The following ARHGAP44 variants were observed in gnomAD, a reference collection of about 807,000 sequenced individuals.
ARHGAP44 encodes rho GTPase-activating protein 44.
Under a neutral mutation model 106.8 loss-of-function variants are expected in ARHGAP44, and 43 were observed. The observed-to-expected ratio is 0.40, with a 90% CI of 0.32 to 0.52. The LOEUF is 0.52. ARHGAP44 is among the 20% of genes least tolerant of loss of function. The pLI is 0.48. For synonymous variants in ARHGAP44, 439 were observed against 410.3 expected (o/e 1.07, Z -0.85); for missense variants, 866 against 1,050.5 (o/e 0.82, Z 2.43).
At position 12,943,628 on chromosome 17, in the gene ARHGAP44, C is replaced by G. The variant is rs752709001; in HGVS notation, c.692C>G (p.Thr231Arg). 2.6e-5 allele frequency: 42 copies of G among 1,613,942 alleles called. No homozygotes were observed. In the South Asian group the frequency reaches 4.5e-4, roughly 17 times the overall value. The stretch of plus-strand genomic sequence containing the variant: ...GCTGAATACCACAGGAAGTCCCTGA[C>G]ACTATTGCAGGCTGTATTGCCTCAG... ...VQAEYHRKSLTLLQAVLPQIK... is the reference protein window; with the variant it reads ...VQAEYHRKSLRLLQAVLPQIK... Residue 231 changes from threonine to arginine, a missense_variant, in exon 9 of 21, where the codon ACA becomes AGA. Physicochemically the swap from Thr to Arg is moderately conservative, Grantham distance 71 (BLOSUM62 -1). Coordinates refer to ENST00000379672, the MANE Select transcript of ARHGAP44 (RefSeq NM_014859.6).
At chr17:12,874,198 T>C (rs1330425026) in intron 1 of ARHGAP44, among the ~76,000 whole-genome samples, 1 of 152,212 alleles carries the variant, frequency 6.6e-6, no homozygotes, top group East Asian at 1.9e-4. Flanking sequence ...CGGTTGAGTC[T>C]TAATCATTTT....
chr17:12,940,536 A>G (rs151162710), intron 7 of ARHGAP44, among the ~76,000 whole-genome samples: 12 of 152,296 alleles, frequency 7.9e-5, no homozygotes, highest in African/African-American at 1.2e-4. Flanking sequence ...TGAGTCAGCA[A>G]TCCTTTCCCT....
rs1481296164 is a variant in ARHGAP44 at position 12,914,487 on chromosome 17, A to AC, written c.276-1412dup. 5.3e-5 allele frequency among the ~76,000 whole-genome samples: 8 copies of AC among 152,230 alleles called. No individual in the cohort carries two copies. In the East Asian group the frequency reaches 1.5e-3, roughly 29 times the overall value. On this transcript the variant is annotated intron_variant, in intron 4 of 20. Transcript: ENST00000379672. ...AAATGATCTGATTCCGCATGTACCA[A>AC]CATGGGTAAGCTCCAGACATAATGA... is the stretch of plus-strand genomic sequence containing the variant.
At chr17:12,872,243 C>T (rs889843071) in intron 1 of ARHGAP44, among the ~76,000 whole-genome samples, 6 of 152,106 alleles carry the variant, frequency 3.9e-5, no homozygotes, top group Non-Finnish European at 7.4e-5. Flanking sequence ...GCCTTCATAC[C>T]TTCCAATTTA....
At position 12,847,512 on chromosome 17, in the gene ARHGAP44, C is replaced by CTTTT. The variant is rs58514182; in HGVS notation, c.54-47412_54-47409dup. ...CACCTTCCTTCAAGCTACCATCACT[C>CTTTT]TTTTTTTTTTTTTTTTTTTGAGACG... On this transcript the variant is annotated intron_variant, in intron 1 of 20. Transcript: ENST00000379672. Among the ~76,000 whole-genome samples, 304 of 125,450 alleles carry CTTTT rather than the reference C, an allele frequency of 2.4e-3. 16 individuals are homozygous for CTTTT. Among genetic ancestry groups the CTTTT allele is most frequent in the African/African-American group, 6.5e-3 (201 of 30,886 alleles). The allele number at this position is 125,450 out of a possible 152,430, so 82.3% of individuals were successfully genotyped here.
At chr17:12,976,946 T>C (rs1160752377) in intron 18 of ARHGAP44, among the ~76,000 whole-genome samples, 3 of 152,166 alleles carry the variant, frequency 2.0e-5, no homozygotes, top group Non-Finnish European at 2.9e-5. Context: ...AGCTTCATCC[T>C]AGTTTCCCAT....
chr17:12,830,087 C>T (rs973140659), intron 1 of ARHGAP44, among the ~76,000 whole-genome samples: 2 of 152,158 alleles, frequency 1.3e-5, no homozygotes, highest in South Asian at 4.1e-4. Context: ...CAAAGGAGAA[C>T]TGGTTATTTA....
intron 6 of ARHGAP44, among the ~76,000 whole-genome samples, chr17:12,926,492 AATATATGTATATATATT>A (rs2038248081): frequency 7.0e-6 from 1 of 143,642 alleles, no homozygotes; most frequent in Admixed American, 7.2e-5. Context: ...ATGTATGTAT[AATATATGTATATATATT>A]ATATATGCAT....
intron 20 of ARHGAP44, chr17:12,986,902 T>A: frequency 1.7e-6 from 1 of 579,996 alleles, no homozygotes; most frequent in South Asian, 2.2e-5. Context: ...GTGCGGACCC[T>A]ATTTTAATGT....
intron 16 of ARHGAP44, 33 bp from the exon 17 acceptor site, chr17:12,973,269 G>A (rs1466767889): frequency 1.3e-6 from 2 of 1,597,956 alleles, no homozygotes; most frequent in African/African-American, 1.3e-5. Context: ...TAGATTTTTT[G>A]AAACTAATAT....
chr17:12,882,201 CA>C (rs1401624344), intron 1 of ARHGAP44, among the ~76,000 whole-genome samples: 6 of 152,090 alleles, frequency 3.9e-5, no homozygotes, highest in Admixed American at 2.6e-4. Context: ...CCTATGAAGA[CA>C]TTGCTCATCT....
chr17:12,799,992 A>G (rs1347562314), intron 1 of ARHGAP44, among the ~76,000 whole-genome samples: 1 of 152,184 alleles, frequency 6.6e-6, no homozygotes, highest in Non-Finnish European at 1.5e-5. Flanking sequence ...TGAAGAGAAC[A>G]GAAACTATCC....
intron 1 of ARHGAP44, among the ~76,000 whole-genome samples, chr17:12,853,338 T>C (rs185696301): frequency 1.3e-5 from 2 of 152,140 alleles, no homozygotes; most frequent in Non-Finnish European, 2.9e-5. Flanking sequence ...ATCATCTACA[T>C]TTATAGCATA....
intron 4 of ARHGAP44, among the ~76,000 whole-genome samples, chr17:12,911,149 AAACTC>A (rs1383205439): frequency 1.3e-5 from 2 of 152,148 alleles, no homozygotes; most frequent in African/African-American, 4.8e-5. Context: ...TAAATGGAAT[AAACTC>A]AACTGTTCAA....
At chr17:12,906,219 T>C (rs2037541125) in intron 3 of ARHGAP44, among the ~76,000 whole-genome samples, 1 of 152,232 alleles carries the variant, frequency 6.6e-6, no homozygotes. Context: ...ACTCTGTTTG[T>C]CTACACTTAC....
chr17:12,973,913 C>A, intron 17 of ARHGAP44, 176 bp from the exon 18 acceptor site: 1 of 709,882 alleles, frequency 1.4e-6, no homozygotes, highest in Non-Finnish European at 2.4e-6. Context: ...TCTTGGCCGC[C>A]GGGAGCAGCC....
chr17:12,875,960 T>C (rs1354040062), intron 1 of ARHGAP44, among the ~76,000 whole-genome samples: 8 of 152,206 alleles, frequency 5.3e-5, no homozygotes, highest in African/African-American at 1.7e-4. Flanking sequence ...AAAAAATGTA[T>C]TGATGATATT....
At position 12,789,734 on chromosome 17, in the gene ARHGAP44, G is replaced by T. The variant is rs2033674102; in HGVS notation, c.-105G>T. 1.8e-6 allele frequency: 2 copies of T among 1,112,886 alleles called. No individual in the cohort carries two copies. The highest frequency in any genetic ancestry group is 1.2e-6 in the Non-Finnish European group (1 of 849,510). The allele number at this position is 1,112,886 out of a possible 1,614,324, so 68.9% of individuals were successfully genotyped here. A position where few individuals can be genotyped will look rare whatever the true frequency, so the allele number is the denominator to read the frequency against. On this transcript the variant is annotated 5_prime_UTR_variant, in exon 1 of 21. Coordinates refer to ENST00000379672, the MANE Select transcript of ARHGAP44 (RefSeq NM_014859.6). ...CGCCCGGAGGCTCCGCAGTGCCGCC[G>T]CCGTCGCCCGGGAGGCTCCGCGCGG...
At position 12,852,633 on chromosome 17, in the gene ARHGAP44, C is replaced by T. The variant is rs188439134; in HGVS notation, c.54-42307C>T. ...CTCGGCTCACTGCAAGCTCCACCTCCTGGGTTCACGCCGTTCTCCTGCCTC... is the reference window on the plus strand; with the variant it reads ...CTCGGCTCACTGCAAGCTCCACCTCTTGGGTTCACGCCGTTCTCCTGCCTC... On this transcript the variant is annotated intron_variant, in intron 1 of 20. Transcript: ENST00000379672. 3.7e-3 allele frequency among the ~76,000 whole-genome samples: 565 copies of T among 151,794 alleles called. 4 individuals are homozygous for T. The Middle Eastern group carries it at 0.041, about 11-fold the overall frequency.
Sources: allele counts gnomAD v4.1 joint callset (sites outside exome capture counted in the v4.1 genomes callset), GRCh38; gene constraint gnomAD v4.1.1; transcripts MANE v1.5; gene names NCBI Gene and HGNC (gene_info 2026-07-23, HGNC 2026-07-21).